GJD4: variants seen among roughly 807,000 people sequenced by gnomAD.
The protein encoded by GJD4 is gap junction delta-4 protein.
A neutral mutation model predicts 17.9 loss-of-function variants in GJD4; 18 were observed. That is an observed-to-expected ratio of 1.00 (90% CI 0.69 to 1.49). GJD4 has a LOEUF of 1.49. GJD4 is among the 40% of genes most tolerant of loss of function. The pLI, the probability that GJD4 is intolerant of heterozygous loss-of-function variation, is 0.00. For missense variants in GJD4, 639 were observed against 506.9 expected (o/e 1.26, Z -2.50); for synonymous variants, 293 against 236.8 (o/e 1.24, Z -2.18).
At chr10:35,605,662 C>T (rs369145610) in intron 1 of GJD4, 31 bp downstream of exon 1, 41 of 1,549,470 alleles carry the variant, frequency 2.6e-5, no homozygotes, top group Non-Finnish European at 3.3e-5. Flanking sequence ...CAAACTCCTG[C>T]GCTGTTTTTA....
In GJD4 at chr10:35,607,680, C is replaced by CGCTGCA; in HGVS notation, c.170_175dup (p.Leu57_Gln58dup). ...GAGCAGGAGAGGTTTGTCTGCAACA[C>CGCTGCA]GCTGCAGCCGGGATGCGCCAATGTT... On this transcript the variant is annotated inframe_insertion, in exon 2 of 2. Coordinates refer to ENST00000321660, the MANE Select transcript of GJD4 (RefSeq NM_153368.3). 6.2e-7 allele frequency: 1 copy of CGCTGCA among 1,614,188 alleles called. No homozygotes were observed. The highest frequency in any genetic ancestry group is 8.5e-7 in the Non-Finnish European group (1 of 1,180,022).
rs1269585915 is a variant in GJD4 at position 35,605,639 on chromosome 10, T to C, written c.64+8T>C. 1.2e-6 allele frequency: 2 copies of C among 1,608,438 alleles called. No homozygotes were observed. The highest frequency in any genetic ancestry group is 1.7e-6 in the Non-Finnish European group (2 of 1,174,942). On this transcript the variant is annotated splice_region_variant and intron_variant, in intron 1 of 1. Coordinates refer to ENST00000321660, the MANE Select transcript of GJD4 (RefSeq NM_153368.3). ...GCAACGTGACCATGGTGGGTGAGTA[T>C]TGGGACCATCTCCAAACTCCTGCGC... is the stretch of plus-strand genomic sequence containing the variant.
rs371862112 is a variant in GJD4 at position 35,608,040 on chromosome 10, C to G, written c.527C>G (p.Thr176Arg). 43 of 1,610,440 alleles carry G rather than the reference C, an allele frequency of 2.7e-5. No individual in the cohort carries two copies. In the Middle Eastern group the frequency reaches 5.0e-4, roughly 19 times the overall value. ...GFLAPKKFPC[T>R]RPPCTGVVDC... ...CTGGCCCCGAAGAAGTTCCCTTGCA[C>G]GCGCCCTCCGTGCACGGGCGTGGTG... Residue 176 changes from threonine to arginine, a missense_variant, in exon 2 of 2, where the codon ACG (threonine) becomes AGG (arginine). Thr to Arg is a moderately conservative substitution (Grantham distance 71). Coordinates refer to ENST00000321660, the MANE Select transcript of GJD4 (RefSeq NM_153368.3).
At chr10:35,605,844 G>T (rs941765859) in intron 1 of GJD4, 34 of 572,494 alleles carry the variant, frequency 5.9e-5, no homozygotes, top group Non-Finnish European at 9.6e-5. Context: ...CGGTTCCTCC[G>T]TCATGTAAGG....
rs147622465 is a variant in GJD4 at position 35,608,416 on chromosome 10, C to T, written c.903C>T (p.Ser301=). The change falls in exon 2 of 2, where the codon TCC becomes TCT. Residue 301 remains serine (S), a synonymous_variant. Coordinates refer to ENST00000321660, the MANE Select transcript of GJD4 (RefSeq NM_153368.3). ...AGGATGAGAGTGAGGTGACATCCTC[C>T]GCCAGCGAAAAGCTGGGCAGACAGC... ...PDEDESEVTS[S]ASEKLGRQPR... 2.5e-5 allele frequency: 39 copies of T among 1,549,376 alleles called. No homozygotes were observed. In the African/African-American group the frequency reaches 4.8e-4, roughly 19 times the overall value.
chr10:35,607,971 T>G lies in GJD4; in HGVS notation c.458T>G (p.Leu153Arg), dbSNP rs577209079. 3.7e-4 allele frequency: 604 copies of G among 1,611,670 alleles called. 7 individuals are homozygous for G. The South Asian group carries it at 6.3e-3, about 17-fold the overall frequency. ...ATCCACCTCCTCCTCCGGACCCTGC[T>G]GGAGGCAGCCTTCGGGGCCTTGCAC... ...YIIHLLLRTLLEAAFGALHYF... is the reference protein window; with the variant it reads ...YIIHLLLRTLREAAFGALHYF... The change falls in exon 2 of 2, where the codon CTG becomes CGG. Residue 153 changes from leucine to arginine, a missense_variant. Leu to Arg is a moderately radical substitution (Grantham distance 102). Transcript: ENST00000321660.
chr10:35,607,828 G>T lies in GJD4; in HGVS notation c.315G>T (p.Ala105=), dbSNP rs755622022. 3.8e-6 allele frequency: 6 copies of T among 1,597,634 alleles called. No individual in the cohort carries two copies. The South Asian group carries it at 4.4e-5, about 12-fold the overall frequency. Residue 105 remains alanine, a synonymous_variant, in exon 2 of 2, where the codon GCG becomes GCT. Transcript: ENST00000321660. ...YVLHRGATLA[A]LGPRRCPDPR... ...TGCACCGAGGAGCCACGCTCGCCGC[G>T]CTGGGCCCCCGCCGCTGCCCCGACC...
rs199701954 is a variant in GJD4, at chr10:35,607,746, G to C, written c.233G>C (p.Trp78Ser). ...VFSPVSHLRF[W>S]LIQGVCVLLP... The stretch of plus-strand genomic sequence containing the variant: ...TCCCCCGTGTCTCACCTGCGGTTCT[G>C]GCTGATCCAGGGCGTGTGCGTCCTC... Residue 78 changes from tryptophan to serine, a missense_variant, in exon 2 of 2, where the codon TGG becomes TCG. Transcript: ENST00000321660. The C allele has an allele frequency of 3.0e-5, 49 of 1,613,006 alleles. No individual in the cohort carries two copies. Among genetic ancestry groups the C allele is most frequent in the Middle Eastern group, 1.6e-4 (1 of 6,082 alleles).
Position 35,608,557 on chromosome 10 carries a change from G to T in GJD4, c.1044G>T (p.Gln348His). 6.4e-7 allele frequency: 1 copy of T among 1,561,486 alleles called. No individual in the cohort carries two copies. Among genetic ancestry groups the T allele is most frequent in the South Asian group, 1.2e-5 (1 of 84,602 alleles). ...LAAPPSCSSLQPPDPPASSSG... is the reference protein window; with the variant it reads ...LAAPPSCSSLHPPDPPASSSG... ...CGCCCCCTTCCTGCAGCAGCCTGCA[G>T]CCCCCTGACCCGCCTGCCAGCTCCA... The change falls in exon 2 of 2, where the codon CAG becomes CAT. Residue 348 changes from glutamine to histidine, a missense_variant. By Grantham distance (24) the Gln-to-His change is conservative. Transcript: ENST00000321660.
chr10:35,608,643 C>T lies in GJD4; in HGVS notation c.*17C>T, dbSNP rs777755277. The T allele has an allele frequency of 1.1e-5, 16 of 1,455,906 alleles. No individual in the cohort carries two copies. The South Asian group carries it at 1.4e-4, about 13-fold the overall frequency. 90.2% of individuals were successfully genotyped at this position (1,455,906 alleles called of 1,614,324 possible). A position where few individuals can be genotyped will look rare whatever the true frequency, so the allele number is the denominator to read the frequency against. On this transcript the variant is annotated 3_prime_UTR_variant, in exon 2 of 2. Transcript: ENST00000321660. The stretch of plus-strand genomic sequence containing the variant: ...TGGGTGTGAAAAAAACAGCACCTGG[C>T]GGTGCCCCGGGGCTCACGCCTGTAA...
chr10:35,607,658 C>T lies in GJD4; in HGVS notation c.145C>T (p.Gln49Ter). The T allele has an allele frequency of 6.2e-7, 1 of 1,614,192 alleles. No individual in the cohort carries two copies. Among genetic ancestry groups the T allele is most frequent in the Non-Finnish European group, 8.5e-7 (1 of 1,180,022 alleles). ...GGGGCGACCCGTCTACCAGGACGAG[C>T]AGGAGAGGTTTGTCTGCAACACGCT... is the stretch of plus-strand genomic sequence containing the variant. ...LAGRPVYQDE[Q>*]ERFVCNTLQP... The change falls in exon 2 of 2, where the codon CAG becomes TAG. Residue 49 changes from glutamine to a stop codon, truncating the protein, a stop_gained. Coordinates refer to ENST00000321660, the MANE Select transcript of GJD4 (RefSeq NM_153368.3). LOFTEE classifies it low-confidence loss of function (END_TRUNC).
chr10:35,607,933 G>T lies in GJD4; in HGVS notation c.420G>T (p.Ser140=), dbSNP rs770953239. 2.5e-6 allele frequency: 4 copies of T among 1,606,720 alleles called. No individual in the cohort carries two copies. Among genetic ancestry groups the T allele is most frequent in the Admixed American group, 1.7e-5 (1 of 59,706 alleles). ...GCGGCCTCCAGGTGCCCGACTTTTC[G>T]GCCGGCTACATCATCCACCTCCTCC... ...ERGGLQVPDF[S]AGYIIHLLLR... The change falls in exon 2 of 2, where the codon TCG becomes TCT. Residue 140 remains serine (S), a synonymous_variant. Transcript: ENST00000321660.
chr10:35,605,438 A>T lies in GJD4; in HGVS notation c.-130A>T. ...AAAACCCACCTCCTACTCCTGGCTC[A>T]GACCTTTGCTTTCTTATCTCCAGCT... On this transcript the variant is annotated 5_prime_UTR_variant, in exon 1 of 2. Coordinates refer to ENST00000321660, the MANE Select transcript of GJD4 (RefSeq NM_153368.3). The T allele has an allele frequency of 1.3e-6, 1 of 774,200 alleles. No individual in the cohort carries two copies. The highest frequency in any genetic ancestry group is 2.2e-6 in the Non-Finnish European group (1 of 444,738). The allele number at this position is 774,200 out of a possible 1,614,324, so 48.0% of individuals were successfully genotyped here.
At position 35,605,622 on chromosome 10, in the gene GJD4, A is replaced by G. The variant is rs754930584; in HGVS notation, c.55A>G (p.Thr19Ala). Residue 19 changes from threonine to alanine, a missense_variant, in exon 1 of 2, where the codon ACC becomes GCC. Physicochemically the swap from Thr to Ala is moderately conservative, Grantham distance 58. Transcript: ENST00000321660. ...FLIITLNCNV[T>A]MVGKLWFVLT... ...CATCATCACATTAAACTGCAACGTG[A>G]CCATGGTGGGTGAGTATTGGGACCA... The G allele has an allele frequency of 3.1e-6, 5 of 1,612,922 alleles. No individual in the cohort carries two copies. Among genetic ancestry groups the G allele is most frequent in the Non-Finnish European group, 4.2e-6 (5 of 1,179,030 alleles).
Position 35,608,291 on chromosome 10 carries a change from GA to G in GJD4, c.779del (p.Glu260GlyfsTer39), listed in dbSNP as rs759628221. The G allele has an allele frequency of 6.4e-6, 10 of 1,555,098 alleles. No individual in the cohort carries two copies. Among genetic ancestry groups the G allele is most frequent in the South Asian group, 3.5e-5 (3 of 85,106 alleles). ...RTDEEGGREE[E>X]GAPAPPGARA... is the part of the protein sequence containing the mutation. ...TGACGAGGAGGGTGGGCGGGAGGAA[GA>G]GGGGGCACCGGCGCCCCCGGGTGCA... is the stretch of plus-strand genomic sequence containing the variant. On this transcript the variant is annotated frameshift_variant, in exon 2 of 2. Coordinates refer to ENST00000321660, the MANE Select transcript of GJD4 (RefSeq NM_153368.3). LOFTEE classifies it high-confidence loss of function.
chr10:35,607,819 G>A lies in GJD4; in HGVS notation c.306G>A (p.Thr102=). Residue 102 remains threonine, a synonymous_variant, in exon 2 of 2, where the codon ACG becomes ACA. Transcript: ENST00000321660. ...TCTATGTCCTGCACCGAGGAGCCAC[G>A]CTCGCCGCGCTGGGCCCCCGCCGCT... ...FSVYVLHRGA[T]LAALGPRRCP... is the part of the protein sequence containing the mutation. 1.2e-6 allele frequency: 2 copies of A among 1,600,718 alleles called. No homozygotes were observed. The highest frequency in any genetic ancestry group is 2.2e-5 in the South Asian group (2 of 91,036).
rs781090050 is a variant in GJD4, at chr10:35,608,423, G to A, written c.910G>A (p.Glu304Lys). 6.5e-6 allele frequency: 10 copies of A among 1,549,186 alleles called. No individual in the cohort carries two copies. In the South Asian group the frequency reaches 1.2e-4, roughly 18 times the overall value. ...GAGTGAGGTGACATCCTCCGCCAGC[G>A]AAAAGCTGGGCAGACAGCCCCGGGG... ...DESEVTSSAS[E>K]KLGRQPRGRP... The change falls in exon 2 of 2, where the codon GAA becomes AAA. Residue 304 changes from glutamate to lysine, a missense_variant. Transcript: ENST00000321660.
At chr10:35,607,185 C>A (rs1157588255) in intron 1 of GJD4, 3 of 198,942 alleles carry the variant, frequency 1.5e-5, no homozygotes, top group African/African-American at 7.0e-5. Context: ...GATTAAAACA[C>A]TTTTAATATA....
At chr10:35,606,538 T>C (rs1280799157) in intron 1 of GJD4, 1 of 152,250 alleles carries the variant, frequency 6.6e-6, no homozygotes, top group Admixed American at 6.5e-5. Context: ...TCTGGCTCAT[T>C]ATTTTGTAGA....
Sources: allele counts gnomAD v4.1 joint callset, GRCh38; gene constraint gnomAD v4.1.1; transcripts MANE v1.5; gene names NCBI Gene and HGNC (gene_info 2026-07-23, HGNC 2026-07-21).